Variants in OSBP2 observed in about 807,000 individuals in gnomAD.
The protein encoded by OSBP2 is oxysterol-binding protein 2.
In OSBP2, 66 loss-of-function variants were observed where a neutral mutation model predicts 96.0. The observed-to-expected ratio is 0.69, with a 90% CI of 0.56 to 0.84. The LOEUF (loss-of-function observed/expected upper bound fraction) is 0.84. Among genes scored for constraint, OSBP2 ranks in the 40% least tolerant of loss-of-function variants. The pLI is 0.00. For missense variants in OSBP2, 1,038 were observed against 1,222.7 expected (o/e 0.85, Z 2.25); for synonymous variants, 525 against 520.9 (o/e 1.01, Z -0.11).
intron 9 of OSBP2, 42 bp downstream of exon 9, chr22:30,893,284 G>T (rs1301320070): frequency 1.2e-6 from 2 of 1,613,022 alleles, no homozygotes; most frequent in Non-Finnish European, 1.7e-6. Flanking sequence ...CAGAGACATT[G>T]TGCATAAGAG....
At chr22:30,822,122 T>C (rs1207980357) in intron 2 of OSBP2, among the ~76,000 whole-genome samples, 4 of 152,296 alleles carry the variant, frequency 2.6e-5, no homozygotes, top group African/African-American at 9.6e-5. Flanking sequence ...GGTCAGAAGA[T>C]GAGAGGGTCT....
At chr22:30,764,901 G>C (rs1433329535) in intron 2 of OSBP2, among the ~76,000 whole-genome samples, 1 of 152,070 alleles carries the variant, frequency 6.6e-6, no homozygotes, top group Non-Finnish European at 1.5e-5. Flanking sequence ...CACAAGAAAA[G>C]AAAACTGAAT....
At chr22:30,784,422 TA>T (rs936073299) in intron 2 of OSBP2, among the ~76,000 whole-genome samples, 16 of 149,042 alleles carry the variant, frequency 1.1e-4, no homozygotes, top group African/African-American at 1.7e-4. Flanking sequence ...CCTGGCTGAT[TA>T]AAAAAAAAAA....
intron 2 of OSBP2, among the ~76,000 whole-genome samples, chr22:30,812,495 A>G (rs541828790): frequency 9.2e-5 from 14 of 152,322 alleles, no homozygotes; most frequent in African/African-American, 3.4e-4. Context: ...ATAGAATTCC[A>G]TAGTGTATTA....
intron 3 of OSBP2, among the ~76,000 whole-genome samples, chr22:30,882,651 C>T (rs938213524): frequency 9.2e-5 from 14 of 152,172 alleles, no homozygotes; most frequent in Non-Finnish European, 1.9e-4. Context: ...GGCAAGAAGA[C>T]AGGATACCTG....
intron 1 of OSBP2, among the ~76,000 whole-genome samples, chr22:30,724,068 A>G (rs2089600925): frequency 6.6e-6 from 1 of 152,122 alleles, no homozygotes; most frequent in Non-Finnish European, 1.5e-5. Context: ...AACCCCAAGC[A>G]ACCACTGATC....
chr22:30,863,006 G>A (rs1264218441), intron 2 of OSBP2, among the ~76,000 whole-genome samples: 2 of 151,836 alleles, frequency 1.3e-5, no homozygotes, highest in Admixed American at 6.6e-5. Context: ...CAACAGACTT[G>A]GGGTCTTGGG....
chr22:30,855,697 T>A lies in OSBP2; in HGVS notation c.854-14732T>A, dbSNP rs995889195. Among the ~76,000 whole-genome samples, 9 of 152,126 alleles carry A rather than the reference T, an allele frequency of 5.9e-5. 1 individual carries two copies. The South Asian group carries it at 1.5e-3, about 25-fold the overall frequency. ...AATCAGAGCCTGTCTCTTCTAGCGC[T>A]AGTAGGCCTGGGGCAAGGACACCAG... On this transcript the variant is annotated intron_variant, in intron 2 of 13. Transcript: ENST00000332585.
At chr22:30,733,880 G>A (rs2089815423) in intron 1 of OSBP2, among the ~76,000 whole-genome samples, 1 of 152,156 alleles carries the variant, frequency 6.6e-6, no homozygotes, top group African/African-American at 2.4e-5. Flanking sequence ...CAGTTAAATT[G>A]TACTGCAGAT....
At chr22:30,889,123 C>G in intron 5 of OSBP2, 54 bp from the exon 6 acceptor site, 1 of 1,539,972 alleles carries the variant, frequency 6.5e-7, no homozygotes, top group Non-Finnish European at 8.9e-7. Context: ...TGGGCCAGGT[C>G]CCAAGGAGAC....
chr22:30,739,701 A>C (rs190130245), intron 1 of OSBP2, among the ~76,000 whole-genome samples: 106 of 152,116 alleles, frequency 7.0e-4, no homozygotes, highest in Middle Eastern at 3.4e-3. Flanking sequence ...GACGGAGGCG[A>C]TTCATGAAAA....
In OSBP2 at chr22:30,870,908, G is replaced by C. The variant is rs902588957; in HGVS notation, c.1107+226G>C. ...TTCTTCCTAATTGTCTGGAGGAAAC[G>C]AGTTGGTTGTGGACTCTGGTGCAGT... On this transcript the variant is annotated intron_variant, in intron 3 of 13. Coordinates refer to ENST00000332585, the MANE Select transcript of OSBP2 (RefSeq NM_030758.4). This position sits in a 1 kb window ranked among gnomAD's most constrained non-coding sequence, Gnocchi z 4.1. 6.6e-6 allele frequency among the ~76,000 whole-genome samples: 1 copy of C among 152,250 alleles called. No homozygotes were observed. The highest frequency in any genetic ancestry group is 1.5e-5 in the Non-Finnish European group (1 of 68,048).
chr22:30,702,190 T>C (rs2089174930), intron 1 of OSBP2, among the ~76,000 whole-genome samples: 1 of 152,216 alleles, frequency 6.6e-6, no homozygotes, highest in African/African-American at 2.4e-5. Context: ...TGCCGCATCA[T>C]GGTTCAGGTC....
chr22:30,773,878 G>A (rs539290342), intron 2 of OSBP2, among the ~76,000 whole-genome samples: 2 of 152,288 alleles, frequency 1.3e-5, no homozygotes, highest in Non-Finnish European at 2.9e-5. Context: ...CTCCAGCAGG[G>A]GCAGTGGAGT....
At chr22:30,711,716 G>C (rs898940870) in intron 1 of OSBP2, among the ~76,000 whole-genome samples, 5 of 148,594 alleles carry the variant, frequency 3.4e-5, no homozygotes, top group African/African-American at 9.9e-5. Flanking sequence ...CTCCAGCCTG[G>C]GTGACACAAT....
intron 2 of OSBP2, among the ~76,000 whole-genome samples, chr22:30,826,953 G>T (rs1215340209): frequency 6.6e-6 from 1 of 152,242 alleles, no homozygotes; most frequent in Non-Finnish European, 1.5e-5. Context: ...AGCTCCAACA[G>T]GACAGTGGGT....
At chr22:30,823,709 G>A (rs1029568367) in intron 2 of OSBP2, among the ~76,000 whole-genome samples, 2 of 152,216 alleles carry the variant, frequency 1.3e-5, no homozygotes, top group African/African-American at 4.8e-5. Flanking sequence ...GAGGTCTTAG[G>A]GTGTGTGCAG....
At chr22:30,818,098 A>G (rs1334937124) in intron 2 of OSBP2, among the ~76,000 whole-genome samples, 1 of 152,122 alleles carries the variant, frequency 6.6e-6, no homozygotes, top group Non-Finnish European at 1.5e-5. Flanking sequence ...GAGTTTCGCC[A>G]TGTTGCCCAA....
intron 2 of OSBP2, among the ~76,000 whole-genome samples, chr22:30,754,521 T>C (rs2145761119): frequency 6.6e-6 from 1 of 152,248 alleles, no homozygotes; most frequent in East Asian, 1.9e-4. Context: ...TGCTGGCCCA[T>C]GCAGAGGAGA....
Sources: allele counts gnomAD v4.1 joint callset (sites outside exome capture counted in the v4.1 genomes callset), GRCh38; gene constraint gnomAD v4.1.1; non-coding constraint Gnocchi (gnomAD v3.1); transcripts MANE v1.5; gene names NCBI Gene and HGNC (gene_info 2026-07-23, HGNC 2026-07-21).